Variants in CTNNA3 observed in about 807,000 individuals in gnomAD.
CTNNA3 encodes the protein catenin alpha 3, also known as catenin alpha-3.
Under a neutral mutation model 95.7 loss-of-function variants are expected in CTNNA3, and 76 were observed. The ratio of observed to expected loss-of-function variants is 0.79; its 90% confidence interval spans 0.66 to 0.96. The LOEUF (loss-of-function observed/expected upper bound fraction) is 0.96. Among genes scored for constraint, CTNNA3 ranks in the 40% least tolerant of loss-of-function variants. CTNNA3 has a pLI of 0.00. For missense variants in CTNNA3, 1,191 were observed against 1,089.8 expected, an observed-to-expected ratio of 1.09 and a Z score of -1.31; for synonymous variants, 431 against 374.4, an observed-to-expected ratio of 1.15 and a Z score of -1.74.
At chr10:67,703,144 C>T (rs9414965) in intron 1 of CTNNA3, among the ~76,000 whole-genome samples, 15,543 of 151,938 alleles carry the variant, frequency 0.1, 1,191 homozygotes, top group African/African-American at 0.22. Context: ...ATAGCTTACC[C>T]ACCAAAAAGA....
chr10:67,515,786 C>A (rs1380878255), intron 5 of CTNNA3, among the ~76,000 whole-genome samples: 2 of 152,114 alleles, frequency 1.3e-5, no homozygotes, highest in African/African-American at 4.8e-5. Flanking sequence ...CCCAATTGAG[C>A]AATTAACATA....
chr10:66,345,657 A>G (rs2092501655), intron 12 of CTNNA3, among the ~76,000 whole-genome samples: 1 of 152,148 alleles, frequency 6.6e-6, no homozygotes, highest in African/African-American at 2.4e-5. Context: ...TCACTTGGGT[A>G]AGTATTATTT....
At chr10:66,589,917 C>A (rs1843489779) in intron 10 of CTNNA3, among the ~76,000 whole-genome samples, 1 of 151,772 alleles carries the variant, frequency 6.6e-6, no homozygotes, top group Non-Finnish European at 1.5e-5. Flanking sequence ...TAAACGCTGC[C>A]TTAACTGTGT....
At chr10:67,375,110 G>C (rs550545430) in intron 5 of CTNNA3, among the ~76,000 whole-genome samples, 1 of 152,268 alleles carries the variant, frequency 6.6e-6, no homozygotes, top group South Asian at 2.1e-4. Flanking sequence ...GCTTGGTCTT[G>C]CCATGATTGT....
At chr10:67,717,454 TTA>T (rs1374180532) in intron 1 of CTNNA3, among the ~76,000 whole-genome samples, 6 of 152,240 alleles carry the variant, frequency 3.9e-5, no homozygotes, top group African/African-American at 1.2e-4. Context: ...GTTTTCAGTT[TTA>T]TATTTAAGCC....
chr10:65,953,165 G>A (rs2077653917), intron 17 of CTNNA3, among the ~76,000 whole-genome samples: 2 of 152,110 alleles, frequency 1.3e-5, no homozygotes. Flanking sequence ...TTCCCACTAG[G>A]CGTGGTGTAT....
intron 5 of CTNNA3, among the ~76,000 whole-genome samples, chr10:67,438,013 A>G (rs1846364432): frequency 6.6e-6 from 1 of 152,042 alleles, no homozygotes; most frequent in Non-Finnish European, 1.5e-5. Context: ...GAAATATGAA[A>G]TAAAAGATTT....
intron 11 of CTNNA3, among the ~76,000 whole-genome samples, chr10:66,450,637 T>C (rs2131822426): frequency 6.6e-6 from 1 of 152,090 alleles, no homozygotes; most frequent in South Asian, 2.1e-4. Context: ...AAAAGAAAAA[T>C]CTTGCTCCAT....
intron 6 of CTNNA3, 32 bp from the exon 7 acceptor site, chr10:67,180,552 C>T (rs752230618): frequency 6.6e-7 from 1 of 1,515,034 alleles, no homozygotes; most frequent in South Asian, 1.1e-5. Context: ...ATGGTTAGAG[C>T]TCCATGGCAT....
chr10:67,454,812 T>C (rs534336651), intron 5 of CTNNA3, among the ~76,000 whole-genome samples: 1 of 152,294 alleles, frequency 6.6e-6, no homozygotes, highest in African/African-American at 2.4e-5. Context: ...TCAATTTACA[T>C]TGAAAAGACA....
At chr10:67,639,136 A>G (rs1589520518) in intron 2 of CTNNA3, among the ~76,000 whole-genome samples, 1 of 152,180 alleles carries the variant, frequency 6.6e-6, no homozygotes, top group Non-Finnish European at 1.5e-5. Flanking sequence ...AAGAAAAAGA[A>G]GAATCAAATA....
intron 5 of CTNNA3, among the ~76,000 whole-genome samples, chr10:67,474,224 G>T (rs898550710): frequency 5.3e-5 from 8 of 152,100 alleles, no homozygotes; most frequent in African/African-American, 1.9e-4. Flanking sequence ...CATGATTTTG[G>T]TATCCATGGA....
chr10:66,852,027 G>A (rs1215495980), intron 7 of CTNNA3, among the ~76,000 whole-genome samples: 1 of 152,058 alleles, frequency 6.6e-6, no homozygotes, highest in Non-Finnish European at 1.5e-5. Context: ...ATGAGGATGA[G>A]GTTCCAAGCC....
chr10:66,130,903 G>A (rs192041052), intron 13 of CTNNA3, among the ~76,000 whole-genome samples: 39 of 150,822 alleles, frequency 2.6e-4, no homozygotes, highest in Admixed American at 5.3e-4. Context: ...GAGAATCATC[G>A]GAGACTATTA....
At chr10:67,637,619 G>A (rs1839365450) in intron 2 of CTNNA3, among the ~76,000 whole-genome samples, 1 of 152,152 alleles carries the variant, frequency 6.6e-6, no homozygotes, top group Non-Finnish European at 1.5e-5. Context: ...AGAGAGAAAG[G>A]TCGGGTTACC....
intron 12 of CTNNA3, among the ~76,000 whole-genome samples, chr10:66,356,309 A>G (rs1431618465): frequency 6.6e-6 from 1 of 151,988 alleles, no homozygotes; most frequent in Admixed American, 6.6e-5. Context: ...TATTGAGTAT[A>G]TTCCAATAAT....
At chr10:66,977,349 T>C (rs143386717) in intron 7 of CTNNA3, among the ~76,000 whole-genome samples, 2 of 151,966 alleles carry the variant, frequency 1.3e-5, no homozygotes, top group African/African-American at 4.8e-5. Context: ...GGCAGGAGGA[T>C]TGCTTGAACC....
intron 7 of CTNNA3, among the ~76,000 whole-genome samples, chr10:67,035,426 T>A (rs1056411809): frequency 6.6e-6 from 1 of 152,194 alleles, no homozygotes; most frequent in Admixed American, 6.5e-5. Context: ...GTTAAGTTCC[T>A]TTGAAGTTGT....
intron 7 of CTNNA3, among the ~76,000 whole-genome samples, chr10:66,858,268 G>A (rs190188962): frequency 3.3e-5 from 5 of 152,088 alleles, no homozygotes; most frequent in South Asian, 2.1e-4. Context: ...GATCATGGTC[G>A]AATAGCTTTT....
Sources: gnomAD v4.1 joint callset for allele counts (sites outside exome capture counted in the v4.1 genomes callset) on GRCh38, gnomAD v4.1.1 for gene constraint, MANE v1.5 for transcripts, NCBI Gene and HGNC (gene_info 2026-07-23, HGNC 2026-07-21) for gene names.